MTO1: variants seen among roughly 807,000 people sequenced by gnomAD.
MTO1 encodes mitochondrial tRNA translation optimization 1.
MTO1 carries 46 observed loss-of-function variants against 71.6 expected under a neutral mutation model. The ratio of observed to expected loss-of-function variants is 0.64; its 90% CI spans 0.51 to 0.82. MTO1 has a LOEUF of 0.82. Among genes scored for constraint, MTO1 ranks in the 40% least tolerant of loss-of-function variants. The probability of loss-of-function intolerance (pLI) is 0.00; values close to 1 mark genes in which losing one functional copy is unlikely to be tolerated. For synonymous variants in MTO1, 297 were observed against 312.1 expected (o/e 0.95, Z 0.51); for missense variants, 773 against 867.5 (o/e 0.89, Z 1.37).
intron 4 of MTO1, 152 bp downstream of exon 4, chr6:73,473,806 A>C: frequency 1.7e-6 from 1 of 601,086 alleles, no homozygotes; most frequent in South Asian, 2.2e-5. Flanking sequence ...TTTTTTTTTG[A>C]GATAAGGTCT....
At chr6:73,481,485 G>A (rs1771490522) in intron 7 of MTO1, among the ~76,000 whole-genome samples, 1 of 152,002 alleles carries the variant, frequency 6.6e-6, no homozygotes. Flanking sequence ...AAGATTAACC[G>A]GCTGGGCATG....
intron 9 of MTO1, among the ~76,000 whole-genome samples, chr6:73,488,331 A>T (rs1771710553): frequency 6.6e-6 from 1 of 152,068 alleles, no homozygotes; most frequent in Admixed American, 6.6e-5. Flanking sequence ...ACACCACCAC[A>T]TCCAGCTAGA....
chr6:73,467,614 A>AAAATAAAT (rs70996806), intron 3 of MTO1, among the ~76,000 whole-genome samples: 52,407 of 143,268 alleles, frequency 0.37, 9,915 homozygotes, highest in South Asian at 0.49. Context: ...ACTCTGTCTC[A>AAAATAAAT]AAATAAATAA....
intron 4 of MTO1, 149 bp downstream of exon 4, chr6:73,473,803 T>C: frequency 5.8e-6 from 4 of 690,330 alleles, no homozygotes; most frequent in Non-Finnish European, 9.2e-6. Flanking sequence ...TTTTTTTTTT[T>C]TGAGATAAGG....
rs1425862311 is a variant in MTO1, at chr6:73,501,150, A to T, written c.*415A>T. 1 of 153,062 alleles carries T rather than the reference A, an allele frequency of 6.5e-6. No individual in the cohort carries two copies. 9.5% of individuals were successfully genotyped at this position (153,062 alleles called of 1,614,324 possible). A position where few individuals can be genotyped will look rare whatever the true frequency, so the allele number is the denominator to read the frequency against. On this transcript the variant is annotated 3_prime_UTR_variant, in exon 12 of 12. Transcript: ENST00000498286. The stretch of plus-strand genomic sequence containing the variant: ...CTTGGTTATACTAGGCTAGGAAGCA[A>T]TATCAAAGCCCTTAAATTCTCAAGA...
At position 73,501,739 on chromosome 6, in the gene MTO1, A is replaced by T. The variant is rs1307610952; in HGVS notation, c.*1004A>T. The T allele has an allele frequency of 2.0e-5, 3 of 152,202 alleles. No individual in the cohort carries two copies. Among genetic ancestry groups the T allele is most frequent in the Admixed American group, 6.5e-5 (1 of 15,278 alleles). 9.4% of individuals were successfully genotyped at this position (152,202 alleles called of 1,614,324 possible). The stretch of plus-strand genomic sequence containing the variant: ...AGCCCTGCTTGTCTCTGGAATTCCA[A>T]CCCAGATCTCTGGTGTCAGCCTAGG... On this transcript the variant is annotated 3_prime_UTR_variant, in exon 12 of 12. Coordinates refer to ENST00000498286, the MANE Select transcript of MTO1 (RefSeq NM_012123.4).
At chr6:73,469,349 G>T (rs376961800) in intron 3 of MTO1, among the ~76,000 whole-genome samples, 2 of 152,080 alleles carry the variant, frequency 1.3e-5, no homozygotes, top group Admixed American at 1.3e-4. Flanking sequence ...ACTAGGTCGG[G>T]CATGGTGGCT....
chr6:73,462,176 GA>G, intron 1 of MTO1, 105 bp downstream of exon 1: 1 of 1,254,630 alleles, frequency 8.0e-7, no homozygotes, highest in South Asian at 1.3e-5. Flanking sequence ...CAAAGCTAGT[GA>G]GAATCCTACC....
rs905274611 is a variant in MTO1, at chr6:73,508,174, AATTC to A, written c.*7441_*7444del. On this transcript the variant is annotated 3_prime_UTR_variant, in exon 12 of 12. Coordinates refer to ENST00000498286, the MANE Select transcript of MTO1 (RefSeq NM_012123.4). ...TCCCAGAATTTGGAGGCTGTAGGGG[AATTC>A]AGAGTGTGAATTTCACTTGAACAGC... The A allele has an allele frequency of 3.9e-5, 6 of 152,136 alleles. No homozygotes were observed. Among genetic ancestry groups the A allele is most frequent in the African/African-American group, 1.4e-4 (6 of 41,440 alleles). The allele number at this position is 152,136 out of a possible 1,614,324, so 9.4% of individuals were successfully genotyped here.
At chr6:73,470,133 C>G (rs1428162670) in intron 3 of MTO1, among the ~76,000 whole-genome samples, 1 of 152,178 alleles carries the variant, frequency 6.6e-6, no homozygotes, top group Non-Finnish European at 1.5e-5. Flanking sequence ...GTTCTGGGAA[C>G]AAAATGGTAA....
intron 9 of MTO1, chr6:73,486,760 C>T (rs1332617809): frequency 5.7e-5 from 13 of 226,590 alleles, no homozygotes; most frequent in Non-Finnish European, 1.2e-4. Flanking sequence ...AAGACTCATA[C>T]AGTATGTGTT....
At chr6:73,473,317 T>C (rs1300720367) in intron 3 of MTO1, 48 bp from the exon 4 acceptor site, 2 of 1,494,420 alleles carry the variant, frequency 1.3e-6, no homozygotes, top group South Asian at 2.6e-5. Context: ...GATACATAAA[T>C]ACATAGATAC....
At position 73,482,251 on chromosome 6, in the gene MTO1, C is replaced by G; in HGVS notation, c.1465+7C>G. ...AGCCGGCTCACACTGCGAGGTAACTCTTTCCTGAGTCCTGCAATCCAGCCA... is the reference window on the plus strand; with the variant it reads ...AGCCGGCTCACACTGCGAGGTAACTGTTTCCTGAGTCCTGCAATCCAGCCA... On this transcript the variant is annotated splice_region_variant and intron_variant, in intron 8 of 11. Coordinates refer to ENST00000498286, the MANE Select transcript of MTO1 (RefSeq NM_012123.4). The G allele has an allele frequency of 3.1e-6, 5 of 1,613,854 alleles. No homozygotes were observed. The highest frequency in any genetic ancestry group is 3.4e-6 in the Non-Finnish European group (4 of 1,179,870).
At position 73,466,224 on chromosome 6, in the gene MTO1, A is replaced by G. The variant is rs1407796408; in HGVS notation, c.233A>G (p.Asn78Ser). ...TTATCTTTAGGTCAGATGTCATGTA[A>G]TCCTTCCTTTGGTGGCATCGGAAAG... Reference protein sequence around the residue: ...RVDTIGQMSCNPSFGGIGKGH... With the variant: ...RVDTIGQMSCSPSFGGIGKGH... Residue 78 changes from asparagine (N) to serine (S), a missense_variant, in exon 2 of 12, where the codon AAT (asparagine) becomes AGT (serine). By Grantham distance (46) the Asn-to-Ser change is conservative. Transcript: ENST00000498286. The G allele has an allele frequency of 6.2e-7, 1 of 1,613,356 alleles. No homozygotes were observed. Among genetic ancestry groups the G allele is most frequent in the Non-Finnish European group, 8.5e-7 (1 of 1,179,402 alleles).
At chr6:73,470,297 C>G (rs879747065) in intron 3 of MTO1, among the ~76,000 whole-genome samples, 4 of 151,920 alleles carry the variant, frequency 2.6e-5, no homozygotes, top group Non-Finnish European at 5.9e-5. Flanking sequence ...ACCTCTGCCC[C>G]CCAGGTTCAA....
chr6:73,462,352 C>A lies in MTO1; in HGVS notation c.217+281C>A, dbSNP rs62440629. On this transcript the variant is annotated intron_variant, in intron 1 of 11. Coordinates refer to ENST00000498286, the MANE Select transcript of MTO1 (RefSeq NM_012123.4). Reference sequence around the variant, plus strand: ...GTGCCTTGGGAAAGGGAGCTACCAACTACTCGCTGGTAGCTTCTTAGTTCA... The same window carrying A: ...GTGCCTTGGGAAAGGGAGCTACCAAATACTCGCTGGTAGCTTCTTAGTTCA... 95,883 of 509,536 alleles carry A rather than the reference C, an allele frequency of 0.19. 9,458 individuals are homozygous for A. Among genetic ancestry groups the A allele is most frequent in the African/African-American group, 0.26 (13,456 of 52,430 alleles). 31.6% of individuals were successfully genotyped at this position (509,536 alleles called of 1,614,324 possible).
Position 73,497,766 on chromosome 6 carries a change from TA to T in MTO1, c.1788del (p.Gln597LysfsTer3). ...ATYESVLFHQ[L>X]QEIKGVQQDE... The stretch of plus-strand genomic sequence containing the variant: ...TATGAATCAGTGTTGTTCCATCAAC[TA>T]CAAGAAATAAAGGGAGTTCAGCAAG... On this transcript the variant is annotated frameshift_variant, in exon 11 of 12. Transcript: ENST00000498286. LOFTEE classifies it high-confidence loss of function. 6.2e-7 allele frequency: 1 copy of T among 1,614,006 alleles called. No individual in the cohort carries two copies. Among genetic ancestry groups the T allele is most frequent in the Non-Finnish European group, 8.5e-7 (1 of 1,179,924 alleles).
chr6:73,487,094 CA>C lies in MTO1; in HGVS notation c.1637+4475del, dbSNP rs1396352790. Among the ~76,000 whole-genome samples the C allele has an allele frequency of 1.3e-4, 20 of 152,136 alleles. No homozygotes were observed. The East Asian group carries it at 3.9e-3, about 29-fold the overall frequency. On this transcript the variant is annotated intron_variant, in intron 9 of 11. Transcript: ENST00000498286. ...GTTTATCTATTCATCTGTTGATGGA[CA>C]CTTGAGTTGCTTTCACCTTATTGTA...
chr6:73,496,123 G>A (rs1262996707), intron 10 of MTO1, among the ~76,000 whole-genome samples: 1 of 152,184 alleles, frequency 6.6e-6, no homozygotes, highest in African/African-American at 2.4e-5. Context: ...CCAAAATGAT[G>A]ATGATGTACG....
Sources: allele counts gnomAD v4.1 joint callset (sites outside exome capture counted in the v4.1 genomes callset), GRCh38; gene constraint gnomAD v4.1.1; transcripts MANE v1.5; gene names NCBI Gene and HGNC (gene_info 2026-07-23, HGNC 2026-07-21).